The following RCBTB2 variants were observed in gnomAD, a reference collection of about 807,000 sequenced individuals.
RCBTB2 encodes RCC1 and BTB domain-containing protein 2.
In RCBTB2, 55 loss-of-function variants were observed where a neutral mutation model predicts 65.4. The observed-to-expected ratio is 0.84, with a 90% CI of 0.68 to 1.05. The LOEUF (loss-of-function observed/expected upper bound fraction) is 1.05. Ranked by LOEUF, RCBTB2 falls within the 50% of genes least tolerant of loss-of-function variation. The pLI, the probability that RCBTB2 is intolerant of heterozygous loss-of-function variation, is 0.00. For synonymous variants in RCBTB2, 220 were observed against 255.2 expected (o/e 0.86, Z 1.31); for missense variants, 599 against 680.1 (o/e 0.88, Z 1.33).
In RCBTB2 at chr13:48,489,908, C is replaced by T. The variant is rs1188694678; in HGVS notation, c.*203G>A. 2 of 612,660 alleles carry T rather than the reference C, an allele frequency of 3.3e-6. No individual in the cohort carries two copies. Among genetic ancestry groups the T allele is most frequent in the Non-Finnish European group, 5.7e-6 (2 of 350,076 alleles). The allele number at this position is 612,660 out of a possible 1,614,324, so 38.0% of individuals were successfully genotyped here. A position where few individuals can be genotyped will look rare whatever the true frequency, so the allele number is the denominator to read the frequency against. ...AATTTTTTTTCCTTGACCTTAGTCA[C>T]ATCTGATCAGAACATTCAATGCTTT... On this transcript the variant is annotated 3_prime_UTR_variant, in exon 15 of 15. Transcript: ENST00000344532.
At chr13:48,508,161 G>A (rs1290348844) in intron 10 of RCBTB2, among the ~76,000 whole-genome samples, 3 of 152,196 alleles carry the variant, frequency 2.0e-5, no homozygotes, top group African/African-American at 7.2e-5. Flanking sequence ...CCTGCAATGG[G>A]CCGCAGAAGA....
intron 7 of RCBTB2, 86 bp from the exon 8 acceptor site, chr13:48,512,260 T>A: frequency 8.5e-7 from 1 of 1,182,742 alleles, no homozygotes; most frequent in Non-Finnish European, 1.2e-6. Context: ...TGGCACCGAG[T>A]CTTTCCTCTC....
intron 13 of RCBTB2, among the ~76,000 whole-genome samples, chr13:48,499,140 A>ACTCTCTCTCT (rs1488055194): frequency 4.9e-5 from 7 of 142,374 alleles, no homozygotes; most frequent in African/African-American, 2.0e-4. Context: ...ACACACACAC[A>ACTCTCTCTCT]CACTCTCTCT....
At chr13:48,506,590 G>A (rs911255365) in intron 10 of RCBTB2, among the ~76,000 whole-genome samples, 2 of 152,178 alleles carry the variant, frequency 1.3e-5, no homozygotes, top group African/African-American at 4.8e-5. Context: ...CAGTGCTGAG[G>A]GAGGCAGAAG....
At chr13:48,515,396 T>G (rs1426864098) in intron 5 of RCBTB2, 41 bp from the exon 6 acceptor site, 1 of 1,580,678 alleles carries the variant, frequency 6.3e-7, no homozygotes, top group Non-Finnish European at 8.6e-7. Flanking sequence ...GTTCTATTTC[T>G]AACAAATCTA....
In RCBTB2 at chr13:48,512,754, GAATGGTAAGACCCACAGGCAACTTC is replaced by G; in HGVS notation, c.466_490del (p.Glu156LeufsTer4). 6.2e-7 allele frequency: 1 copy of G among 1,613,976 alleles called. No homozygotes were observed. Among genetic ancestry groups the G allele is most frequent in the East Asian group, 2.2e-5 (1 of 44,864 alleles). ...CTCTCCATCAGATGTTAGCACCAAA[GAATGGTAAGACCCACAGGCAACTTC>G]AATGACTTGTTTGTTTGACAGATTA... On this transcript the variant is annotated frameshift_variant, in exon 7 of 15. Coordinates refer to ENST00000344532, the MANE Select transcript of RCBTB2 (RefSeq NM_001268.4). LOFTEE classifies it high-confidence loss of function.
At chr13:48,505,720 C>T (rs995164038) in intron 10 of RCBTB2, among the ~76,000 whole-genome samples, 6 of 151,672 alleles carry the variant, frequency 4.0e-5, no homozygotes, top group Admixed American at 2.0e-4. Context: ...TCTAGGGCCA[C>T]GTTATTTAAA....
chr13:48,499,138 ACACACT>A (rs1234799979), intron 13 of RCBTB2, among the ~76,000 whole-genome samples: 17 of 145,808 alleles, frequency 1.2e-4, no homozygotes, highest in Admixed American at 2.0e-4. Flanking sequence ...ACACACACAC[ACACACT>A]CTCTCTCTCT....
rs201796149 is a variant in RCBTB2, at chr13:48,521,920, A to G, written c.20T>C (p.Leu7Pro). 311 of 1,613,790 alleles carry G rather than the reference A, an allele frequency of 1.9e-4. 1 individual carries two copies. The highest frequency in any genetic ancestry group is 2.6e-4 in the Non-Finnish European group (302 of 1,179,886). MEEELPLFSGDSGKPVQ... is the reference protein window; with the variant it reads MEEELPPFSGDSGKPVQ... Reference sequence around the variant, plus strand: ...AACCTTGCCACTGTCTCCAGAGAAAAGAGGAAGTTCTTCTTCCATATGGAC... The same window carrying G: ...AACCTTGCCACTGTCTCCAGAGAAAGGAGGAAGTTCTTCTTCCATATGGAC... Residue 7 changes from leucine to proline, a missense_variant, in exon 4 of 15, where the codon CTT becomes CCT. Transcript: ENST00000344532.
chr13:48,512,632 G>T, intron 7 of RCBTB2, 97 bp downstream of exon 7: 1 of 1,035,360 alleles, frequency 9.7e-7, no homozygotes. Context: ...GAGGGAGGTG[G>T]TTATTTTAAT....
At chr13:48,497,342 T>C (rs1950028042) in intron 13 of RCBTB2, among the ~76,000 whole-genome samples, 1 of 152,200 alleles carries the variant, frequency 6.6e-6, no homozygotes, top group Admixed American at 6.5e-5. Flanking sequence ...GTGAGTCCTG[T>C]TATATTACCT....
At chr13:48,491,995 T>C (rs1041678157) in intron 14 of RCBTB2, among the ~76,000 whole-genome samples, 1 of 152,198 alleles carries the variant, frequency 6.6e-6, no homozygotes, top group Admixed American at 6.5e-5. Flanking sequence ...TACCACTCTG[T>C]ATGGCTTCAT....
At chr13:48,507,863 A>C (rs1457126839) in intron 10 of RCBTB2, among the ~76,000 whole-genome samples, 1 of 152,254 alleles carries the variant, frequency 6.6e-6, no homozygotes, top group Non-Finnish European at 1.5e-5. Context: ...ATCTGTCCCC[A>C]AGGTACTGAA....
rs191124561 is a variant in RCBTB2, at chr13:48,526,364, C to T, written c.-218-1607G>A. Among the ~76,000 whole-genome samples, 112 of 151,982 alleles carry T rather than the reference C, an allele frequency of 7.4e-4. 1 individual carries two copies. The highest frequency in any genetic ancestry group is 1.5e-5 in the Non-Finnish European group (1 of 67,980). On this transcript the variant is annotated intron_variant, in intron 1 of 14. Coordinates refer to ENST00000344532, the MANE Select transcript of RCBTB2 (RefSeq NM_001268.4). ...TAGCCTGGGCAACATAGGAAGACAC[C>T]GTCTCTACAGAAAACTTAAAAATTA...
chr13:48,500,686 A>G (rs1190056879), intron 12 of RCBTB2, among the ~76,000 whole-genome samples: 2 of 152,222 alleles, frequency 1.3e-5, no homozygotes, highest in Non-Finnish European at 2.9e-5. Flanking sequence ...CCCAGCAGCT[A>G]GGAAAGAGGC....
At chr13:48,497,042 G>GGTCACACCTGTGGCA (rs1179869841) in intron 13 of RCBTB2, among the ~76,000 whole-genome samples, 1 of 152,194 alleles carries the variant, frequency 6.6e-6, no homozygotes, top group Non-Finnish European at 1.5e-5. Context: ...CACCCTTGGT[G>GGTCACACCTGTGGCA]GTCACACCTG....
At chr13:48,497,935 G>A (rs992973058) in intron 13 of RCBTB2, among the ~76,000 whole-genome samples, 2 of 152,160 alleles carry the variant, frequency 1.3e-5, no homozygotes, top group African/African-American at 2.4e-5. Flanking sequence ...CCAGCTCTGC[G>A]CCTCCTCCAC....
At chr13:48,517,807 A>G (rs1593750733) in intron 4 of RCBTB2, among the ~76,000 whole-genome samples, 1 of 152,202 alleles carries the variant, frequency 6.6e-6, no homozygotes, top group South Asian at 2.1e-4. Flanking sequence ...GCTTCCCCCC[A>G]AAGTCCAAAT....
chr13:48,512,174 C>A lies in RCBTB2; in HGVS notation c.517G>T (p.Val173Leu), dbSNP rs906848752. ...HSLVLTSDGE[V>L]FAWGYNNSGQ... ...GAGTTATTATAACCCCAGGCAAATA[C>A]CTGTTTAAAGGAAAGATCAGTAAAT... is the stretch of plus-strand genomic sequence containing the variant. The change falls in exon 8 of 15, where the codon GTA (valine) becomes TTA (leucine). Residue 173 changes from valine to leucine, a missense_variant and splice_region_variant. Coordinates refer to ENST00000344532, the MANE Select transcript of RCBTB2 (RefSeq NM_001268.4). 1 of 1,611,398 alleles carries A rather than the reference C, an allele frequency of 6.2e-7. No homozygotes were observed. Among genetic ancestry groups the A allele is most frequent in the Admixed American group, 1.7e-5 (1 of 59,894 alleles).
Sources: gnomAD v4.1 joint callset for allele counts (sites outside exome capture counted in the v4.1 genomes callset) on GRCh38, gnomAD v4.1.1 for gene constraint, MANE v1.5 for transcripts, NCBI Gene and HGNC (gene_info 2026-07-23, HGNC 2026-07-21) for gene names.